SETBP1: variants seen among roughly 807,000 people sequenced by gnomAD.
SETBP1 encodes SET binding protein 1.
In SETBP1, 9 loss-of-function variants were observed where a neutral mutation model predicts 101.0. The observed-to-expected ratio is 0.09, with a 90% CI of 0.05 to 0.16. SETBP1 has a LOEUF of 0.16. Ranked by LOEUF, SETBP1 falls within the 10% of genes least tolerant of loss-of-function variation. The probability of loss-of-function intolerance (pLI) is 1.00; values close to 1 mark genes in which losing one functional copy is unlikely to be tolerated. For missense variants in SETBP1, 1,858 were observed against 2,033.8 expected (o/e 0.91, Z 1.66); for synonymous variants, 818 against 788.5 (o/e 1.04, Z -0.63).
At chr18:44,774,407 G>T (rs1298170818) in intron 2 of SETBP1, among the ~76,000 whole-genome samples, 1 of 152,004 alleles carries the variant, frequency 6.6e-6, no homozygotes, top group Non-Finnish European at 1.5e-5. Context: ...GAGTGTGGGG[G>T]TGTGTGGGTG....
Position 45,037,751 on chromosome 18 carries a change from A to G in SETBP1, c.4001-734A>G, listed in dbSNP as rs147488291. Among the ~76,000 whole-genome samples the G allele has an allele frequency of 1.6e-4, 25 of 152,250 alleles. 3 individuals are homozygous for G. In the East Asian group the frequency reaches 4.3e-3, roughly 26 times the overall value. ...TTTCAGCATCATCATGACATGACAT[A>G]TGATGCGTGTTATGACCAGACACTC... On this transcript the variant is annotated intron_variant, in intron 4 of 5. Coordinates refer to ENST00000649279, the MANE Select transcript of SETBP1 (RefSeq NM_015559.3).
At chr18:44,746,122 A>C (rs115174510) in intron 2 of SETBP1, among the ~76,000 whole-genome samples, 1,867 of 152,286 alleles carry the variant, frequency 0.012, 43 homozygotes, top group African/African-American at 0.043. Context: ...ACCATTTAGA[A>C]GGTGGCTGTA....
At chr18:44,685,564 A>T (rs1019244520) in intron 1 of SETBP1, among the ~76,000 whole-genome samples, 1 of 152,054 alleles carries the variant, frequency 6.6e-6, no homozygotes, top group Non-Finnish European at 1.5e-5. Flanking sequence ...CAGTTAAATG[A>T]CCCCTGGCAA....
At chr18:44,710,750 A>G (rs2069320869) in intron 2 of SETBP1, among the ~76,000 whole-genome samples, 1 of 152,192 alleles carries the variant, frequency 6.6e-6, no homozygotes, top group African/African-American at 2.4e-5. Context: ...GCACCCAGCC[A>G]GGAAGTTTCT....
intron 2 of SETBP1, among the ~76,000 whole-genome samples, chr18:44,838,906 A>G (rs1308288787): frequency 6.6e-6 from 1 of 152,166 alleles, no homozygotes; most frequent in Admixed American, 6.5e-5. Flanking sequence ...GGAGCCATGC[A>G]GAGACAGATG....
chr18:44,878,789 G>A (rs888597521), intron 3 of SETBP1, among the ~76,000 whole-genome samples: 1 of 152,086 alleles, frequency 6.6e-6, no homozygotes, highest in Non-Finnish European at 1.5e-5. Flanking sequence ...TTCCTACCAT[G>A]TTGTACCAAA....
At chr18:44,749,683 A>G (rs1326432781) in intron 2 of SETBP1, among the ~76,000 whole-genome samples, 4 of 152,194 alleles carry the variant, frequency 2.6e-5, no homozygotes, top group Non-Finnish European at 4.4e-5. Context: ...TTAAAATACC[A>G]TCTCTCACCA....
chr18:45,035,917 A>G (rs1416847889), intron 4 of SETBP1, among the ~76,000 whole-genome samples: 3 of 152,236 alleles, frequency 2.0e-5, no homozygotes, highest in Non-Finnish European at 4.4e-5. Context: ...TTGTGAAAAT[A>G]CCTCAGTCAT....
At chr18:44,684,153 T>A (rs180718029) in intron 1 of SETBP1, among the ~76,000 whole-genome samples, 1 of 152,284 alleles carries the variant, frequency 6.6e-6, no homozygotes, top group East Asian at 1.9e-4. Context: ...TCCAATTCCA[T>A]TCCTATCCTG....
At chr18:44,865,456 C>A (rs1411546525) in intron 2 of SETBP1, among the ~76,000 whole-genome samples, 2 of 152,192 alleles carry the variant, frequency 1.3e-5, no homozygotes, top group Non-Finnish European at 2.9e-5. Context: ...GGACCTCCAA[C>A]TGCCTCCCTC....
intron 4 of SETBP1, among the ~76,000 whole-genome samples, chr18:44,980,690 A>G (rs1424247246): frequency 6.6e-6 from 1 of 152,114 alleles, no homozygotes; most frequent in Admixed American, 6.5e-5. Flanking sequence ...CACTGAAGGC[A>G]CAGAAGGTGC....
At chr18:45,035,013 CT>C (rs966982894) in intron 4 of SETBP1, among the ~76,000 whole-genome samples, 44 of 150,392 alleles carry the variant, frequency 2.9e-4, no homozygotes, top group Admixed American at 2.8e-3. Context: ...CCGCCCCCAA[CT>C]TTGCTTTTGC....
In SETBP1 at chr18:44,915,611, G is replaced by A. The variant is rs1599316333; in HGVS notation, c.541-34270G>A. Among the ~76,000 whole-genome samples, 6 of 152,326 alleles carry A rather than the reference G, an allele frequency of 3.9e-5. 1 individual carries two copies. The highest frequency in any genetic ancestry group is 3.9e-4 in the Admixed American group (6 of 15,298). On this transcript the variant is annotated intron_variant, in intron 3 of 5. Coordinates refer to ENST00000649279, the MANE Select transcript of SETBP1 (RefSeq NM_015559.3). Reference sequence around the variant, plus strand: ...TAATCACATGTCAGACGGGCAAGATGAGAGACGGCTGAGCAATAAAGAATT... The same window carrying A: ...TAATCACATGTCAGACGGGCAAGATAAGAGACGGCTGAGCAATAAAGAATT...
At chr18:45,023,436 C>T (rs1354330415) in intron 4 of SETBP1, among the ~76,000 whole-genome samples, 1 of 152,188 alleles carries the variant, frequency 6.6e-6, no homozygotes, top group African/African-American at 2.4e-5. Flanking sequence ...TTATATTTTA[C>T]AGTCCCCCAA....
chr18:44,731,312 C>G (rs199623492), intron 2 of SETBP1, among the ~76,000 whole-genome samples: 1 of 152,196 alleles, frequency 6.6e-6, no homozygotes, highest in East Asian at 1.9e-4. Flanking sequence ...GATGATCAGG[C>G]TTTGCAGAAG....
intron 4 of SETBP1, among the ~76,000 whole-genome samples, chr18:45,033,239 C>A (rs1017819732): frequency 6.6e-5 from 10 of 151,990 alleles, no homozygotes; most frequent in Admixed American, 2.0e-4. Context: ...ACTGGTTTAC[C>A]CAAAAGTCTA....
chr18:44,938,382 C>T (rs1017090612), intron 3 of SETBP1, among the ~76,000 whole-genome samples: 1 of 152,168 alleles, frequency 6.6e-6, no homozygotes, highest in Admixed American at 6.5e-5. Flanking sequence ...ACTAATTAAC[C>T]CATAGAAACA....
Position 44,949,921 on chromosome 18 carries a change from A to T in SETBP1, c.581A>T (p.Asp194Val). 2 of 1,613,932 alleles carry T rather than the reference A, an allele frequency of 1.2e-6. No individual in the cohort carries two copies. The highest frequency in any genetic ancestry group is 1.7e-6 in the Non-Finnish European group (2 of 1,180,022). The change falls in exon 4 of 6, where the codon GAC becomes GTC. Residue 194 changes from aspartate to valine, a missense_variant. By Grantham distance (152) the Asp-to-Val change is radical (BLOSUM62 -3). Around this residue, in one of 12 missense-constraint regions of SETBP1, gnomAD observed 581 missense variants for 535.1 expected, o/e 1.09. Coordinates refer to ENST00000649279, the MANE Select transcript of SETBP1 (RefSeq NM_015559.3). ...RPQKHSTLHY[D>V]TGLPQDFTGD... ...CAGAAACATTCAACTCTCCATTATGACACGGGCCTCCCACAGGACTTCACC... is the reference window on the plus strand; with the variant it reads ...CAGAAACATTCAACTCTCCATTATGTCACGGGCCTCCCACAGGACTTCACC...
chr18:44,940,906 G>A (rs560352070), intron 3 of SETBP1, among the ~76,000 whole-genome samples: 71 of 152,014 alleles, frequency 4.7e-4, no homozygotes, highest in Non-Finnish European at 8.2e-4. Flanking sequence ...TCAGGTCTGC[G>A]AGAAATGAAT....
Sources: allele counts gnomAD v4.1 joint callset (sites outside exome capture counted in the v4.1 genomes callset), GRCh38; gene constraint gnomAD v4.1.1; regional missense constraint gnomAD v4.1.1; transcripts MANE v1.5; gene names NCBI Gene and HGNC (gene_info 2026-07-23, HGNC 2026-07-21).